PPFIA2: variants seen among roughly 807,000 people sequenced by gnomAD.
PPFIA2 encodes liprin-alpha-2.
PPFIA2 carries 46 observed loss-of-function variants against 175.5 expected under a neutral mutation model. That is an observed-to-expected ratio of 0.26 (90% confidence interval 0.21 to 0.34). The LOEUF (loss-of-function observed/expected upper bound fraction) is 0.34, where lower values mean the gene tolerates loss of function less well. PPFIA2 is among the 10% of genes least tolerant of loss of function. The pLI is 1.00. For synonymous variants in PPFIA2, 568 were observed against 511.4 expected, an observed-to-expected ratio of 1.11 and a Z score of -1.49; for missense variants, 1,179 against 1,506.1, an observed-to-expected ratio of 0.78 and a Z score of 3.60.
chr12:81,435,372 T>C (rs1168972299), intron 7 of PPFIA2, among the ~76,000 whole-genome samples: 3 of 152,222 alleles, frequency 2.0e-5, no homozygotes, highest in Admixed American at 2.0e-4. Flanking sequence ...TTTGAAATTT[T>C]CTGTAGAGCT....
chr12:81,735,243 G>C (rs1568060762), intron 3 of PPFIA2, among the ~76,000 whole-genome samples: 1 of 151,700 alleles, frequency 6.6e-6, no homozygotes, highest in African/African-American at 2.4e-5. Context: ...ATGTATGAAA[G>C]TTCTTAATTC....
chr12:81,436,563 T>G (rs2049084827), intron 7 of PPFIA2, among the ~76,000 whole-genome samples: 1 of 152,058 alleles, frequency 6.6e-6, no homozygotes, highest in African/African-American at 2.4e-5. Flanking sequence ...AAATGTATTT[T>G]ATCAGGTTTC....
intron 7 of PPFIA2, among the ~76,000 whole-genome samples, chr12:81,426,259 C>T (rs764629171): frequency 2.6e-5 from 4 of 152,196 alleles, no homozygotes; most frequent in Admixed American, 6.5e-5. Flanking sequence ...GGTAATACGT[C>T]CTGAGGATAA....
intron 4 of PPFIA2, among the ~76,000 whole-genome samples, chr12:81,515,439 TTAA>T (rs1300400654): frequency 6.6e-6 from 1 of 152,046 alleles, no homozygotes; most frequent in Non-Finnish European, 1.5e-5. Flanking sequence ...TTTACACAAA[TTAA>T]TAAAAATGTA....
At chr12:81,746,110 C>A (rs1451229012) in intron 3 of PPFIA2, among the ~76,000 whole-genome samples, 1 of 144,424 alleles carries the variant, frequency 6.9e-6, no homozygotes, top group African/African-American at 2.4e-5. Context: ...TCATCTCCAA[C>A]AGAGAGAGAG....
At chr12:81,598,178 C>T in intron 4 of PPFIA2, 1 of 1,386,000 alleles carries the variant, frequency 7.2e-7, no homozygotes, top group Non-Finnish European at 9.3e-7. Context: ...ACAGTGATAG[C>T]ATTTTGAATT....
chr12:81,269,054 T>C (rs1329997469), intron 28 of PPFIA2, among the ~76,000 whole-genome samples: 2 of 152,184 alleles, frequency 1.3e-5, no homozygotes, highest in Non-Finnish European at 2.9e-5. Context: ...AGGAAAAAAT[T>C]TCTTTGATTT....
intron 8 of PPFIA2, among the ~76,000 whole-genome samples, chr12:81,385,326 T>C (rs750918863): frequency 5.3e-5 from 8 of 152,138 alleles, no homozygotes; most frequent in Non-Finnish European, 1.2e-4. Flanking sequence ...AAAATTATCA[T>C]ATGATCCAGA....
chr12:81,435,241 T>C (rs1389157464), intron 7 of PPFIA2, among the ~76,000 whole-genome samples: 1 of 152,208 alleles, frequency 6.6e-6, no homozygotes, highest in African/African-American at 2.4e-5. Context: ...CTCTGGTGCA[T>C]GTCTGGATTA....
chr12:81,450,338 G>A (rs1008951023), intron 5 of PPFIA2, among the ~76,000 whole-genome samples: 1 of 152,162 alleles, frequency 6.6e-6, no homozygotes, highest in Non-Finnish European at 1.5e-5. Context: ...CATTCTAACT[G>A]GTGTGAGATG....
At chr12:81,595,236 T>TTA (rs111526144) in intron 4 of PPFIA2, among the ~76,000 whole-genome samples, 6,292 of 146,940 alleles carry the variant, frequency 0.043, 134 homozygotes, top group East Asian at 0.076. Flanking sequence ...TTCACTGTGT[T>TTA]TATATATATA....
intron 22 of PPFIA2, among the ~76,000 whole-genome samples, chr12:81,307,991 C>T (rs1445948752): frequency 1.3e-5 from 2 of 152,114 alleles, no homozygotes; most frequent in East Asian, 1.9e-4. Flanking sequence ...ATTCTAAGTC[C>T]TCTCCCAGGC....
At chr12:81,509,206 T>C (rs1203619883) in intron 4 of PPFIA2, among the ~76,000 whole-genome samples, 1 of 152,130 alleles carries the variant, frequency 6.6e-6, no homozygotes, top group Non-Finnish European at 1.5e-5. Flanking sequence ...GATGTTTGTT[T>C]AGATGTGTAG....
chr12:81,413,811 A>T lies in PPFIA2; in HGVS notation c.646-7908T>A, dbSNP rs896673330. Among the ~76,000 whole-genome samples the T allele has an allele frequency of 1.2e-4, 18 of 151,712 alleles. No homozygotes were observed. In the Admixed American group the frequency reaches 1.2e-3, roughly 10 times the overall value. On this transcript the variant is annotated intron_variant, in intron 7 of 32. Coordinates refer to ENST00000549396, the MANE Select transcript of PPFIA2 (RefSeq NM_003625.5). ...TAAGAAACTAATTTCTGCCAATAGAATTTTCCAATAAAAAAGGAAAAGCAA... is the reference window on the plus strand; with the variant it reads ...TAAGAAACTAATTTCTGCCAATAGATTTTTCCAATAAAAAAGGAAAAGCAA...
chr12:81,716,833 G>A (rs1675998508), intron 3 of PPFIA2, among the ~76,000 whole-genome samples: 1 of 151,574 alleles, frequency 6.6e-6, no homozygotes, highest in African/African-American at 2.4e-5. Context: ...TCAGAAAGAG[G>A]TGCGAATGCT....
intron 3 of PPFIA2, among the ~76,000 whole-genome samples, chr12:81,728,443 G>A (rs559148584): frequency 3.3e-5 from 5 of 151,286 alleles, no homozygotes; most frequent in African/African-American, 1.2e-4. Context: ...ATGTTTCCAG[G>A]TTTTCTGTTA....
intron 4 of PPFIA2, among the ~76,000 whole-genome samples, chr12:81,566,549 A>C: frequency 6.6e-6 from 1 of 151,124 alleles, no homozygotes; most frequent in East Asian, 1.9e-4. Flanking sequence ...AAAAAAAAAA[A>C]AAAGAAAAGA....
At chr12:81,453,396 C>A (rs2145639272) in intron 5 of PPFIA2, among the ~76,000 whole-genome samples, 1 of 152,168 alleles carries the variant, frequency 6.6e-6, no homozygotes, top group South Asian at 2.1e-4. Context: ...CCCAGTTTTT[C>A]TTTACCTCTT....
In PPFIA2 at chr12:81,709,181, C is replaced by A. The variant is rs539364076; in HGVS notation, c.250-32337G>T. 1.2e-4 allele frequency among the ~76,000 whole-genome samples: 18 copies of A among 152,224 alleles called. 1 individual carries two copies. Among genetic ancestry groups the A allele is most frequent in the African/African-American group, 4.1e-4 (17 of 41,560 alleles). On this transcript the variant is annotated intron_variant, in intron 3 of 32. Transcript: ENST00000549396. ...GCCTATTCCAGCCTTAGAATCCTTA[C>A]CCTTGCTGTTCCCTCTTCCTAGAAG...
Sources: gnomAD v4.1 joint callset for allele counts (sites outside exome capture counted in the v4.1 genomes callset) on GRCh38, gnomAD v4.1.1 for gene constraint, MANE v1.5 for transcripts, NCBI Gene and HGNC (gene_info 2026-07-23, HGNC 2026-07-21) for gene names.